SS18: variants seen among roughly 807,000 people sequenced by gnomAD.
SS18 encodes protein SSXT.
Under a neutral mutation model 72.5 loss-of-function variants are expected in SS18, and 28 were observed. The ratio of observed to expected loss-of-function variants is 0.39; its 90% CI spans 0.29 to 0.53. The LOEUF (loss-of-function observed/expected upper bound fraction) is 0.53. Among genes scored for constraint, SS18 ranks in the 20% least tolerant of loss-of-function variants. The pLI, the probability that SS18 is intolerant of heterozygous loss-of-function variation, is 0.76. For synonymous variants in SS18, 172 were observed against 164.2 expected (o/e 1.05, Z -0.37); for missense variants, 518 against 535.3 (o/e 0.97, Z 0.32).
At chr18:26,074,437 T>C (rs2054372464) in intron 3 of SS18, among the ~76,000 whole-genome samples, 1 of 152,154 alleles carries the variant, frequency 6.6e-6, no homozygotes, top group East Asian at 1.9e-4. Flanking sequence ...CTGCATTTTC[T>C]GCTACAACCG....
intron 5 of SS18, 59 bp from the exon 6 acceptor site, chr18:26,039,515 G>A: frequency 2.8e-6 from 4 of 1,440,528 alleles, no homozygotes; most frequent in South Asian, 3.1e-5. Flanking sequence ...AACATCTCAA[G>A]AGAAATAAGA....
At chr18:26,058,174 C>CGGGGTGGAGGATAGTGGCAGCAGA (rs2054058695) in intron 3 of SS18, among the ~76,000 whole-genome samples, 3 of 152,070 alleles carry the variant, frequency 2.0e-5, no homozygotes, top group Admixed American at 6.6e-5. Flanking sequence ...TACACTATTT[C>CGGGGTGGAGGATAGTGGCAGCAGA]GGGGTGGAGG....
chr18:26,052,587 G>T, intron 5 of SS18, 37 bp downstream of exon 5: 1 of 1,520,076 alleles, frequency 6.6e-7, no homozygotes, highest in South Asian at 1.1e-5. Flanking sequence ...AAGGCTAATA[G>T]AGCACTCTAG....
intron 3 of SS18, among the ~76,000 whole-genome samples, chr18:26,060,774 A>AAAAG: frequency 1.4e-5 from 1 of 71,766 alleles, no homozygotes; most frequent in Non-Finnish European, 2.2e-5. Context: ...AAAATACCAA[A>AAAAG]AAAAAAAAAA....
chr18:26,044,296 T>C, intron 5 of SS18, among the ~76,000 whole-genome samples: 1 of 152,014 alleles, frequency 6.6e-6, no homozygotes, highest in East Asian at 1.9e-4. Flanking sequence ...GTGTTTTTTA[T>C]TTTATGTTGT....
chr18:26,045,218 T>C (rs1260543640), intron 5 of SS18, among the ~76,000 whole-genome samples: 2 of 152,194 alleles, frequency 1.3e-5, no homozygotes, highest in Non-Finnish European at 2.9e-5. Context: ...GAAAACCATA[T>C]ATTCAGATCA....
chr18:26,049,129 G>C (rs2053879103), intron 5 of SS18, among the ~76,000 whole-genome samples: 1 of 152,074 alleles, frequency 6.6e-6, no homozygotes, highest in Non-Finnish European at 1.5e-5. Flanking sequence ...CTTTATATTT[G>C]AATATATAAT....
intron 9 of SS18, among the ~76,000 whole-genome samples, chr18:26,033,616 CAA>C (rs1334639025): frequency 2.0e-5 from 3 of 151,584 alleles, no homozygotes; most frequent in Non-Finnish European, 4.4e-5. Flanking sequence ...AGAAAAGTGT[CAA>C]AAGAGAACAA....
chr18:26,017,706 CTTGA>C lies in SS18; in HGVS notation c.*644_*647del. 4.7e-6 allele frequency: 1 copy of C among 214,954 alleles called. No individual in the cohort carries two copies. The highest frequency in any genetic ancestry group is 9.4e-6 in the Non-Finnish European group (1 of 106,502). 13.3% of individuals were successfully genotyped at this position (214,954 alleles called of 1,614,324 possible). A position where few individuals can be genotyped will look rare whatever the true frequency, so the allele number is the denominator to read the frequency against. On this transcript the variant is annotated 3_prime_UTR_variant, in exon 11 of 11. Coordinates refer to ENST00000415083, the MANE Select transcript of SS18 (RefSeq NM_001007559.3). ...TTACTCAAAACTGTATCACAGTGCCCTTGATTATCTAATAGATAAAAGGGATTTG... is the reference window on the plus strand; with the variant it reads ...TTACTCAAAACTGTATCACAGTGCCCTTATCTAATAGATAAAAGGGATTTG...
intron 5 of SS18, among the ~76,000 whole-genome samples, chr18:26,046,972 A>G (rs1186500636): frequency 6.6e-6 from 1 of 152,222 alleles, no homozygotes; most frequent in Non-Finnish European, 1.5e-5. Flanking sequence ...GTGCTATGGT[A>G]ACTGAAATTC....
At chr18:26,073,322 T>A (rs943155644) in intron 3 of SS18, among the ~76,000 whole-genome samples, 7 of 152,186 alleles carry the variant, frequency 4.6e-5, no homozygotes, top group African/African-American at 1.7e-4. Context: ...GGAAAACTTA[T>A]GTCCATTTTA....
intron 10 of SS18, among the ~76,000 whole-genome samples, chr18:26,026,531 T>C (rs113159512): frequency 0.015 from 2,323 of 152,176 alleles, 64 homozygotes; most frequent in African/African-American, 0.053. Context: ...GAACATCTTA[T>C]ATAAGGATGA....
intron 3 of SS18, among the ~76,000 whole-genome samples, chr18:26,076,192 G>A (rs924552702): frequency 8.6e-5 from 13 of 151,404 alleles, no homozygotes; most frequent in Non-Finnish European, 1.6e-4. Context: ...ACAGGATTAC[G>A]TATATGTGTA....
intron 10 of SS18, among the ~76,000 whole-genome samples, chr18:26,019,335 T>C (rs35723865): frequency 0.055 from 8,423 of 152,254 alleles, 269 homozygotes; most frequent in East Asian, 0.12. Flanking sequence ...AACTGTTTCC[T>C]TTGGCTAAAC....
intron 5 of SS18, among the ~76,000 whole-genome samples, chr18:26,049,763 A>G (rs144068076): frequency 0.012 from 1,758 of 152,210 alleles, 14 homozygotes; most frequent in Non-Finnish European, 0.019. Context: ...TGATCCTCCC[A>G]TTTCAGCCTC....
intron 3 of SS18, among the ~76,000 whole-genome samples, chr18:26,077,080 G>A (rs1013081121): frequency 6.6e-6 from 1 of 152,030 alleles, no homozygotes; most frequent in Non-Finnish European, 1.5e-5. Flanking sequence ...ACCATTCTGT[G>A]ATCCCAAAGT....
At chr18:26,080,196 A>C (rs2054492347) in intron 2 of SS18, 1 of 247,244 alleles carries the variant, frequency 4.0e-6, no homozygotes, top group Non-Finnish European at 6.5e-6. Flanking sequence ...CACTAGCTGG[A>C]ACTATTTCAT....
intron 5 of SS18, among the ~76,000 whole-genome samples, chr18:26,051,559 T>C (rs1168025875): frequency 6.6e-6 from 1 of 152,212 alleles, no homozygotes; most frequent in African/African-American, 2.4e-5. Flanking sequence ...TTTCCTGTTC[T>C]CTCTCCTGGT....
chr18:26,050,575 T>A (rs531276588), intron 5 of SS18, among the ~76,000 whole-genome samples: 1 of 152,296 alleles, frequency 6.6e-6, no homozygotes, highest in African/African-American at 2.4e-5. Context: ...GAAACTCATA[T>A]GATTAAAAAA....
Sources: gnomAD v4.1 joint callset for allele counts (sites outside exome capture counted in the v4.1 genomes callset) on GRCh38, gnomAD v4.1.1 for gene constraint, MANE v1.5 for transcripts, NCBI Gene and HGNC (gene_info 2026-07-23, HGNC 2026-07-21) for gene names.